NEMP2: variants seen among roughly 807,000 people sequenced by gnomAD.
NEMP2 encodes UPF0571 transmembrane protein.
Under a neutral mutation model 54.2 loss-of-function variants are expected in NEMP2, and 53 were observed. The observed-to-expected ratio is 0.98, with a 90% CI of 0.78 to 1.23. NEMP2 has a LOEUF of 1.23. Ranked by LOEUF, NEMP2 falls within the 50% of genes most tolerant of loss-of-function variation. The probability of loss-of-function intolerance (pLI) is 0.00; values close to 1 mark genes in which losing one functional copy is unlikely to be tolerated. For missense variants in NEMP2, 455 were observed against 511.3 expected (o/e 0.89, Z 1.06); for synonymous variants, 197 against 190.3 (o/e 1.04, Z -0.29).
chr2:190,566,852 T>G, the NEMP2 span, among the ~76,000 whole-genome samples: 1 of 152,200 alleles, frequency 6.6e-6, no homozygotes, highest in African/African-American at 2.4e-5. Flanking sequence ...TAACAGGTTT[T>G]CCATACCATA....
At chr2:190,535,814 T>C (rs1691357678), upstream of NEMP2, 1 of 152,210 alleles carries the variant, frequency 6.6e-6, no homozygotes, top group Non-Finnish European at 1.5e-5. Flanking sequence ...AAACCATCAT[T>C]ACTTGAGTGA....
At chr2:190,502,950 T>C (rs1306853927), downstream of NEMP2, among the ~76,000 whole-genome samples, 1 of 152,192 alleles carries the variant, frequency 6.6e-6, no homozygotes, top group Non-Finnish European at 1.5e-5. This position sits in a 1 kb window ranked among gnomAD's most constrained non-coding sequence, Gnocchi z 4.4. Flanking sequence ...ATCTTCCTAA[T>C]GTCAAAGCCC....
chr2:190,638,479 A>G, the NEMP2 span, among the ~76,000 whole-genome samples: 2 of 152,120 alleles, frequency 1.3e-5, no homozygotes, highest in Non-Finnish European at 1.5e-5. The surrounding 1 kb of genome is among the most constrained non-coding windows in gnomAD (Gnocchi z 5.7). Context: ...TGCCACAGGA[A>G]ACTTCACAGC....
At chr2:190,637,665 C>T in the NEMP2 span, among the ~76,000 whole-genome samples, 2 of 152,208 alleles carry the variant, frequency 1.3e-5, no homozygotes, top group Non-Finnish European at 2.9e-5. The surrounding 1 kb of genome is among the most constrained non-coding windows in gnomAD (Gnocchi z 4.5). Flanking sequence ...TTGTTGCTTG[C>T]TTACAAGGCC....
the NEMP2 span, among the ~76,000 whole-genome samples, chr2:190,581,911 A>G: frequency 6.6e-6 from 1 of 152,092 alleles, no homozygotes; most frequent in Non-Finnish European, 1.5e-5. Flanking sequence ...TGATGGGAGT[A>G]TTTACACCAC....
At chr2:190,552,294 A>G in the NEMP2 span, among the ~76,000 whole-genome samples, 1 of 152,056 alleles carries the variant, frequency 6.6e-6, no homozygotes. Flanking sequence ...ATCAGTGTGG[A>G]TGCCTGGTAA....
In NEMP2 at chr2:190,506,421, T is replaced by C. The variant is rs1690188552; in HGVS notation, c.*2768A>G. On this transcript the variant is annotated 3_prime_UTR_variant, in exon 9 of 9. Coordinates refer to ENST00000409150, the MANE Select transcript of NEMP2 (RefSeq NM_001142645.2). The surrounding 1 kb of genome is among the most constrained non-coding windows in gnomAD (Gnocchi z 6.3). ...ACACATAGCATAATGTAAGAGAGCA[T>C]TTCTTTAGTTGACATCATTTCAGGA... 1 of 152,214 alleles carries C rather than the reference T, an allele frequency of 6.6e-6. No individual in the cohort carries two copies. Among genetic ancestry groups the C allele is most frequent in the African/African-American group, 2.4e-5 (1 of 41,458 alleles). 9.4% of individuals were successfully genotyped at this position (152,214 alleles called of 1,614,324 possible).
chr2:190,539,282 T>G (rs1259540049), upstream of NEMP2, among the ~76,000 whole-genome samples: 1 of 152,170 alleles, frequency 6.6e-6, no homozygotes, highest in African/African-American at 2.4e-5. The surrounding 1 kb of genome is among the most constrained non-coding windows in gnomAD (Gnocchi z 4.1). Flanking sequence ...TATTTCTGGG[T>G]TCTGTATTCT....
In NEMP2 at chr2:190,534,692, G is replaced by C. The variant is rs1408151512; in HGVS notation, c.-37C>G. On this transcript the variant is annotated 5_prime_UTR_variant, in exon 1 of 9. Transcript: ENST00000409150. ...TCAGCTCCGTGCGACCCGAGCCCTA[G>C]GGGACCGGCTCCGCTGCGAGGAGCG... 8.0e-7 allele frequency: 1 copy of C among 1,242,692 alleles called. No homozygotes were observed. The highest frequency in any genetic ancestry group is 1.0e-6 in the Non-Finnish European group (1 of 990,102). The allele number at this position is 1,242,692 out of a possible 1,614,324, so 77.0% of individuals were successfully genotyped here.
the NEMP2 span, chr2:190,626,799 G>A: frequency 6.6e-6 from 1 of 152,096 alleles, no homozygotes; most frequent in Non-Finnish European, 1.5e-5. The surrounding 1 kb of genome is among the most constrained non-coding windows in gnomAD (Gnocchi z 4.5). Context: ...CATTATTCTG[G>A]GTTTCCCAAG....
the NEMP2 span, chr2:190,437,337 G>C: frequency 2.5e-6 from 4 of 1,614,098 alleles, no homozygotes; most frequent in East Asian, 2.2e-5. This position sits in a 1 kb window ranked among gnomAD's most constrained non-coding sequence, Gnocchi z 5.9. Flanking sequence ...TCAACTTTTG[G>C]GACTTAATCA....
At chr2:190,433,304 G>A in the NEMP2 span, 1 of 152,096 alleles carries the variant, frequency 6.6e-6, no homozygotes, top group Admixed American at 6.6e-5. This position sits in a 1 kb window ranked among gnomAD's most constrained non-coding sequence, Gnocchi z 4.5. Flanking sequence ...TAGATTTGAG[G>A]GCAAATTATT....
rs1690324157 is a variant in NEMP2, at chr2:190,510,538, C to T, written c.954-1G>A. 4 of 1,551,834 alleles carry T rather than the reference C, an allele frequency of 2.6e-6. No individual in the cohort carries two copies. Among genetic ancestry groups the T allele is most frequent in the Non-Finnish European group, 3.5e-6 (4 of 1,146,970 alleles). On this transcript the variant is annotated splice_acceptor_variant, in intron 7 of 8. Coordinates refer to ENST00000409150, the MANE Select transcript of NEMP2 (RefSeq NM_001142645.2). LOFTEE classifies it high-confidence loss of function. The surrounding 1 kb of genome is among the most constrained non-coding windows in gnomAD (Gnocchi z 5.7). ...TGATGTAAACCACTGCTCCATTTTC[C>T]TAAAACATGGCATGTGGTTGCAGGA...
At chr2:190,515,152 G>C (rs1690509387) in intron 6 of NEMP2, among the ~76,000 whole-genome samples, 1 of 152,192 alleles carries the variant, frequency 6.6e-6, no homozygotes, top group Non-Finnish European at 1.5e-5. Flanking sequence ...CTCTGGGTAT[G>C]ATCCAAGGTG....
chr2:190,475,627 C>T, the NEMP2 span, among the ~76,000 whole-genome samples: 1 of 152,132 alleles, frequency 6.6e-6, no homozygotes, highest in African/African-American at 2.4e-5. Context: ...GTGAAAATGG[C>T]CATACTGCCC....
chr2:190,620,102 C>A, the NEMP2 span, among the ~76,000 whole-genome samples: 1 of 152,080 alleles, frequency 6.6e-6, no homozygotes, highest in Non-Finnish European at 1.5e-5. The surrounding 1 kb of genome is among the most constrained non-coding windows in gnomAD (Gnocchi z 4.9). Context: ...CTTAATTTTC[C>A]CTGGGGAACT....
the NEMP2 span, among the ~76,000 whole-genome samples, chr2:190,483,732 G>T: frequency 6.6e-6 from 1 of 151,704 alleles, no homozygotes; most frequent in Non-Finnish European, 1.5e-5. Flanking sequence ...CTACTCGGAA[G>T]GCTGAGGCAG....
At chr2:190,437,499 T>C in the NEMP2 span, 5 of 1,614,124 alleles carry the variant, frequency 3.1e-6, no homozygotes, top group South Asian at 3.3e-5. The surrounding 1 kb of genome is among the most constrained non-coding windows in gnomAD (Gnocchi z 5.9). Flanking sequence ...TCCTGAGTCA[T>C]GTGTCTGAGC....
chr2:190,526,690 C>G (rs1468897266), intron 1 of NEMP2, among the ~76,000 whole-genome samples: 1 of 152,030 alleles, frequency 6.6e-6, no homozygotes, highest in African/African-American at 2.4e-5. Context: ...GCCCTTTACT[C>G]AGATAAGAAA....
Sources: allele counts gnomAD v4.1 joint callset (sites outside exome capture counted in the v4.1 genomes callset), GRCh38; gene constraint gnomAD v4.1.1; non-coding constraint Gnocchi (gnomAD v3.1); transcripts MANE v1.5; gene names NCBI Gene and HGNC (gene_info 2026-07-23, HGNC 2026-07-21).